The following NPFF variants were observed in gnomAD, a reference collection of about 807,000 sequenced individuals.
NPFF encodes the protein neuropeptide FF-amide peptide precursor.
NPFF carries 14 observed loss-of-function variants against 12.9 expected under a neutral mutation model. The ratio of observed to expected loss-of-function variants is 1.09; its 90% confidence interval spans 0.72 to 1.70. The LOEUF is 1.70. Ranked by LOEUF, NPFF falls within the 40% of genes most tolerant of loss-of-function variation. NPFF has a pLI of 0.00. For synonymous variants in NPFF, 56 were observed against 57.3 expected (o/e 0.98, Z 0.10); for missense variants, 140 against 135.7 (o/e 1.03, Z -0.16).
intron 1 of NPFF, 75 bp downstream of exon 1, chr12:53,507,298 A>AAGTATCAGAACCT: frequency 6.2e-6 from 10 of 1,601,916 alleles, no homozygotes; most frequent in Non-Finnish European, 8.5e-6. Context: ...CAGCCAGAGA[A>AAGTATCAGAACCT]AGTATCAGAA....
Position 53,507,123 on chromosome 12 carries a change from AG to A in NPFF, c.121del (p.Leu41SerfsTer49). ...QLSAEEDSEP[L>X]PPQDAQTSGS... ...AGAGGTCTGGGCATCCTGTGGTGGGAGGGGTTCGCTGTCTTCCTCCTGTGCC... is the reference window on the plus strand; with the variant it reads ...AGAGGTCTGGGCATCCTGTGGTGGGAGGGTTCGCTGTCTTCCTCCTGTGCC... On this transcript the variant is annotated frameshift_variant, in exon 2 of 3. Coordinates refer to ENST00000267017, the MANE Select transcript of NPFF (RefSeq NM_003717.4). LOFTEE classifies it high-confidence loss of function. 1 of 1,614,006 alleles carries A rather than the reference AG, an allele frequency of 6.2e-7. No individual in the cohort carries two copies. The highest frequency in any genetic ancestry group is 8.5e-7 in the Non-Finnish European group (1 of 1,179,994).
intron 2 of NPFF, 30 bp downstream of exon 2, chr12:53,506,991 C>T (rs767019153): frequency 1.2e-6 from 2 of 1,608,832 alleles, no homozygotes; most frequent in South Asian, 2.2e-5. Context: ...CCCCCAGCCC[C>T]TGCCATGCTT....
At position 53,506,801 on chromosome 12, in the gene NPFF, G is replaced by A. The variant is rs758022066; in HGVS notation, c.317C>T (p.Ala106Val). 3.2e-6 allele frequency: 5 copies of A among 1,584,358 alleles called. No individual in the cohort carries two copies. In the African/African-American group the frequency reaches 5.4e-5, roughly 17 times the overall value. ...TCACTTCTTCCCAAAGCGTTGAGGG[G>A]CAGCCAGGCTCCAGAACTGGGAATT... ...GLNSQFWSLA[A>V]PQRFGKK The change falls in exon 3 of 3, where the codon GCC (alanine) becomes GTC (valine). Residue 106 changes from alanine (A) to valine (V), a missense_variant. Physicochemically the swap from Ala to Val is moderately conservative, Grantham distance 64. Coordinates refer to ENST00000267017, the MANE Select transcript of NPFF (RefSeq NM_003717.4).
In NPFF at chr12:53,507,355, GA is replaced by G. The variant is rs1459279671; in HGVS notation, c.102+17del. On this transcript the variant is annotated intron_variant, in intron 1 of 2. Transcript: ENST00000267017. ...GAAGTAGAGGCAATGGTGATATGGGGATGGGACACACACTCACCGCGGAGAG... is the reference window on the plus strand; with the variant it reads ...GAAGTAGAGGCAATGGTGATATGGGGTGGGACACACACTCACCGCGGAGAG... 6.2e-7 allele frequency: 1 copy of G among 1,613,914 alleles called. No individual in the cohort carries two copies. The highest frequency in any genetic ancestry group is 8.5e-7 in the Non-Finnish European group (1 of 1,179,992).
chr12:53,507,329 C>T (rs777731847), intron 1 of NPFF, 44 bp downstream of exon 1: 45 of 1,612,032 alleles, frequency 2.8e-5, no homozygotes, highest in South Asian at 6.6e-5. Flanking sequence ...AAGTCTCAAC[C>T]GAAGTAGAGG....
Position 53,507,371 on chromosome 12 carries a change from AC to A in NPFF, c.102+1del. On this transcript the variant is annotated splice_donor_variant, in intron 1 of 2. Coordinates refer to ENST00000267017, the MANE Select transcript of NPFF (RefSeq NM_003717.4). LOFTEE classifies it high-confidence loss of function. ...TGATATGGGGATGGGACACACACTC[AC>A]CGCGGAGAGCTGGTCTTCCTGCTGG... 6.2e-7 allele frequency: 1 copy of A among 1,614,062 alleles called. No individual in the cohort carries two copies. Among genetic ancestry groups the A allele is most frequent in the Non-Finnish European group, 8.5e-7 (1 of 1,179,998 alleles).
Position 53,506,832 on chromosome 12 carries a change from C to G in NPFF, c.286G>C (p.Gly96Arg). The change falls in exon 3 of 3, where the codon GGG becomes CGG. Residue 96 changes from glycine to arginine, a missense_variant. Physicochemically the swap from Gly to Arg is moderately radical, Grantham distance 125 (BLOSUM62 -2). Transcript: ENST00000267017. ...AGGCTCCAGAACTGGGAATTCAGCC[C>G]CTCTCCAGCCCGGGGACTCAGCCAT... ...NEWLSPRAGE[G>R]LNSQFWSLAA... The G allele has an allele frequency of 6.2e-7, 1 of 1,601,804 alleles. No individual in the cohort carries two copies. The highest frequency in any genetic ancestry group is 1.1e-5 in the South Asian group (1 of 89,120).
chr12:53,507,025 G>A lies in NPFF; in HGVS notation c.220C>T (p.Gln74Ter), dbSNP rs952235166. 6.2e-7 allele frequency: 1 copy of A among 1,613,526 alleles called. No homozygotes were observed. The highest frequency in any genetic ancestry group is 8.5e-7 in the Non-Finnish European group (1 of 1,179,790). ...GRSQAFLFQP[Q>*]RFGRNTQGSW... ...TTGTGTCCCTTTCAGACTCACCTCT[G>A]GGGCTGAAACAGGAAGGCTTGGCTC... is the stretch of plus-strand genomic sequence containing the variant. The change falls in exon 2 of 3, where the codon CAG becomes TAG. Residue 74 changes from glutamine (Q) to a stop codon, truncating the protein, a stop_gained. Coordinates refer to ENST00000267017, the MANE Select transcript of NPFF (RefSeq NM_003717.4). LOFTEE classifies it high-confidence loss of function.
Position 53,506,745 on chromosome 12 carries a change from C to T in NPFF, c.*31G>A, listed in dbSNP as rs1944004611. 1 of 1,462,984 alleles carries T rather than the reference C, an allele frequency of 6.8e-7. No homozygotes were observed. Among genetic ancestry groups the T allele is most frequent in the South Asian group, 1.3e-5 (1 of 74,266 alleles). 90.6% of individuals were successfully genotyped at this position (1,462,984 alleles called of 1,614,324 possible). ...AACATTGACACTTTTGGGTGTGGAC[C>T]TTGCATGCAGACATATCAAGGGATG... On this transcript the variant is annotated 3_prime_UTR_variant, in exon 3 of 3. Coordinates refer to ENST00000267017, the MANE Select transcript of NPFF (RefSeq NM_003717.4).
At chr12:53,507,182 AC>A (rs1204209857) in intron 1 of NPFF, 40 bp from the exon 2 acceptor site, 36 of 1,604,960 alleles carry the variant, frequency 2.2e-5, no homozygotes, top group Non-Finnish European at 3.0e-5. Flanking sequence ...ATGGGCAAAT[AC>A]CCTGGACACG....
At position 53,506,750 on chromosome 12, in the gene NPFF, A is replaced by C. The variant is rs370685355; in HGVS notation, c.*26T>G. On this transcript the variant is annotated 3_prime_UTR_variant, in exon 3 of 3. Transcript: ENST00000267017. ...TGACACTTTTGGGTGTGGACCTTGC[A>C]TGCAGACATATCAAGGGATGACATG... The C allele has an allele frequency of 2.0e-6, 3 of 1,469,798 alleles. No individual in the cohort carries two copies. The highest frequency in any genetic ancestry group is 2.8e-6 in the Non-Finnish European group (3 of 1,087,718). The allele number at this position is 1,469,798 out of a possible 1,614,324, so 91.0% of individuals were successfully genotyped here. A position where few individuals can be genotyped will look rare whatever the true frequency, so the allele number is the denominator to read the frequency against.
intron 1 of NPFF, 28 bp downstream of exon 1, chr12:53,507,345 G>GTGA (rs1336412222): frequency 2.5e-6 from 4 of 1,613,752 alleles, no homozygotes; most frequent in Admixed American, 1.7e-5. Flanking sequence ...AGAGGCAATG[G>GTGA]TGATATGGGG....
At position 53,507,021 on chromosome 12, in the gene NPFF, C is replaced by T; in HGVS notation, c.224G>A (p.Arg75Lys). ...RSQAFLFQPQ[R>K]FGRNTQGSWR... is the part of the protein sequence containing the mutation. Reference sequence around the variant, plus strand: ...ATGCTTGTGTCCCTTTCAGACTCACCTCTGGGGCTGAAACAGGAAGGCTTG... The same window carrying T: ...ATGCTTGTGTCCCTTTCAGACTCACTTCTGGGGCTGAAACAGGAAGGCTTG... Residue 75 changes from arginine (R) to lysine (K), a missense_variant and splice_region_variant, in exon 2 of 3, where the codon AGG becomes AAG. Coordinates refer to ENST00000267017, the MANE Select transcript of NPFF (RefSeq NM_003717.4). 6.2e-7 allele frequency: 1 copy of T among 1,613,680 alleles called. No homozygotes were observed. The highest frequency in any genetic ancestry group is 8.5e-7 in the Non-Finnish European group (1 of 1,179,806).
chr12:53,507,298 A>T (rs778575336), intron 1 of NPFF, 75 bp downstream of exon 1: 1 of 1,601,916 alleles, frequency 6.2e-7, no homozygotes, highest in South Asian at 1.1e-5. Context: ...CAGCCAGAGA[A>T]AGTATCAGAA....
At chr12:53,507,292 C>T in intron 1 of NPFF, 81 bp downstream of exon 1, 1 of 1,600,066 alleles carries the variant, frequency 6.2e-7, no homozygotes, top group Non-Finnish European at 8.5e-7. Flanking sequence ...CCTTGGCAGC[C>T]AGAGAAAGTA....
In NPFF at chr12:53,506,805, C is replaced by T. The variant is rs1421059164; in HGVS notation, c.313G>A (p.Ala105Thr). The change falls in exon 3 of 3, where the codon GCT becomes ACT. Residue 105 changes from alanine (A) to threonine (T), a missense_variant. Physicochemically the swap from Ala to Thr is moderately conservative, Grantham distance 58. Transcript: ENST00000267017. ...TTCTTCCCAAAGCGTTGAGGGGCAG[C>T]CAGGCTCCAGAACTGGGAATTCAGC... ...EGLNSQFWSL[A>T]APQRFGKK The T allele has an allele frequency of 6.3e-7, 1 of 1,587,052 alleles. No homozygotes were observed. The highest frequency in any genetic ancestry group is 1.8e-5 in the Admixed American group (1 of 55,586).
Position 53,506,732 on chromosome 12 carries a change from T to G in NPFF, c.*44A>C. 1 of 1,388,656 alleles carries G rather than the reference T, an allele frequency of 7.2e-7. No homozygotes were observed. Among genetic ancestry groups the G allele is most frequent in the Non-Finnish European group, 9.8e-7 (1 of 1,018,880 alleles). 86.0% of individuals were successfully genotyped at this position (1,388,656 alleles called of 1,614,324 possible). On this transcript the variant is annotated 3_prime_UTR_variant, in exon 3 of 3. Transcript: ENST00000267017. Reference sequence around the variant, plus strand: ...TATTTGGGGGGCAAACATTGACACTTTTGGGTGTGGACCTTGCATGCAGAC... The same window carrying G: ...TATTTGGGGGGCAAACATTGACACTGTTGGGTGTGGACCTTGCATGCAGAC...
rs748172752 is a variant in NPFF, at chr12:53,506,763, A to G, written c.*13T>C. On this transcript the variant is annotated 3_prime_UTR_variant, in exon 3 of 3. Transcript: ENST00000267017. ...TGTGGACCTTGCATGCAGACATATCAAGGGATGACATGTCACTTCTTCCCA... is the reference window on the plus strand; with the variant it reads ...TGTGGACCTTGCATGCAGACATATCGAGGGATGACATGTCACTTCTTCCCA... 6.6e-7 allele frequency: 1 copy of G among 1,523,404 alleles called. No individual in the cohort carries two copies. The highest frequency in any genetic ancestry group is 1.3e-5 in the South Asian group (1 of 77,302). The allele number at this position is 1,523,404 out of a possible 1,614,324, so 94.4% of individuals were successfully genotyped here.
At position 53,506,792 on chromosome 12, in the gene NPFF, C is replaced by A; in HGVS notation, c.326G>T (p.Arg109Leu). ...GATGACATGTCACTTCTTCCCAAAG[C>A]GTTGAGGGGCAGCCAGGCTCCAGAA... Reference protein sequence around the residue: ...SQFWSLAAPQRFGKK With the variant: ...SQFWSLAAPQLFGKK The change falls in exon 3 of 3, where the codon CGC (arginine) becomes CTC (leucine). Residue 109 changes from arginine (R) to leucine (L), a missense_variant. Physicochemically the swap from Arg to Leu is moderately radical, Grantham distance 102. Transcript: ENST00000267017. The A allele has an allele frequency of 6.4e-7, 1 of 1,569,298 alleles. No homozygotes were observed. The highest frequency in any genetic ancestry group is 8.6e-7 in the Non-Finnish European group (1 of 1,158,380).
Sources: allele counts gnomAD v4.1 joint callset, GRCh38; gene constraint gnomAD v4.1.1; transcripts MANE v1.5; gene names NCBI Gene and HGNC (gene_info 2026-07-23, HGNC 2026-07-21).